BCAP29: variants seen among roughly 807,000 people sequenced by gnomAD.
BCAP29 encodes the protein B-cell receptor-associated protein 29.
BCAP29 carries 34 observed loss-of-function variants against 31.8 expected under a neutral mutation model. That is an observed-to-expected ratio of 1.07 (90% confidence interval 0.81 to 1.42). BCAP29 has a LOEUF of 1.42. BCAP29 is among the 40% of genes most tolerant of loss of function. BCAP29 has a pLI of 0.00. For missense variants in BCAP29, 314 were observed against 269.2 expected (o/e 1.17, Z -1.16); for synonymous variants, 104 against 91.3 (o/e 1.14, Z -0.79).
rs547738420 is a variant in BCAP29, at chr7:107,618,899, G to A, written c.*536G>A. 1.0e-5 allele frequency: 2 copies of A among 197,590 alleles called. No individual in the cohort carries two copies. The highest frequency in any genetic ancestry group is 4.6e-5 in the African/African-American group (2 of 43,422). The allele number at this position is 197,590 out of a possible 1,614,324, so 12.2% of individuals were successfully genotyped here. On this transcript the variant is annotated 3_prime_UTR_variant, in exon 8 of 8. Coordinates refer to ENST00000005259, the MANE Select transcript of BCAP29 (RefSeq NM_018844.4). ...AATGACCTTAGTTTTTTTTAAGCCT[G>A]ATGATACTATGGTTTACTCTAATAA... is the stretch of plus-strand genomic sequence containing the variant.
chr7:107,597,051 A>G (rs564424098), intron 5 of BCAP29, among the ~76,000 whole-genome samples: 4 of 152,298 alleles, frequency 2.6e-5, no homozygotes, highest in African/African-American at 9.6e-5. Flanking sequence ...CAGTGGGGAG[A>G]AAGTCTTTGA....
At chr7:107,581,618 G>A (rs901335744) in intron 2 of BCAP29, among the ~76,000 whole-genome samples, 1 of 152,110 alleles carries the variant, frequency 6.6e-6, no homozygotes, top group Non-Finnish European at 1.5e-5. Flanking sequence ...CAAGATATTT[G>A]TTCATACTCC....
chr7:107,594,463 C>CAGGCAGA (rs71134270), intron 4 of BCAP29, among the ~76,000 whole-genome samples: 1 of 151,530 alleles, frequency 6.6e-6, no homozygotes, highest in African/African-American at 2.4e-5. Flanking sequence ...ACGGAGATTA[C>CAGGCAGA]AGTCACTGTA....
At chr7:107,616,337 G>C (rs1373392074) in intron 7 of BCAP29, 5 of 152,374 alleles carry the variant, frequency 3.3e-5, no homozygotes, top group African/African-American at 1.2e-4. Context: ...CCAAGAAGTG[G>C]TGGTGGCTTT....
At chr7:107,611,129 G>A (rs1029137155) in intron 6 of BCAP29, among the ~76,000 whole-genome samples, 3 of 152,060 alleles carry the variant, frequency 2.0e-5, no homozygotes, top group Non-Finnish European at 2.9e-5. Context: ...ATTAGTGCAC[G>A]AATCCCATTA....
rs372930356 is a variant in BCAP29 at position 107,584,176 on chromosome 7, A to G, written c.193+194A>G. ...TCTGTATGTTCAAGCTTAAGTTTCAACAGGGCACAATGATTCTTAACCCCT... is the reference window on the plus strand; with the variant it reads ...TCTGTATGTTCAAGCTTAAGTTTCAGCAGGGCACAATGATTCTTAACCCCT... On this transcript the variant is annotated intron_variant, in intron 3 of 7. Transcript: ENST00000005259. 3.6e-4 allele frequency among the ~76,000 whole-genome samples: 55 copies of G among 152,322 alleles called. 1 individual carries two copies. The highest frequency in any genetic ancestry group is 1.2e-3 in the African/African-American group (51 of 41,580).
chr7:107,596,782 TAAATTAGTCTTGCCCTTTTAAA>T (rs1410760834), intron 5 of BCAP29, among the ~76,000 whole-genome samples: 1 of 152,242 alleles, frequency 6.6e-6, no homozygotes, highest in Non-Finnish European at 1.5e-5. Context: ...TTAATACACT[TAAATTAGTCTTGCCCTTTTAAA>T]AAAAGCACCT....
At chr7:107,611,181 G>A (rs918617333) in intron 6 of BCAP29, among the ~76,000 whole-genome samples, 5 of 152,218 alleles carry the variant, frequency 3.3e-5, no homozygotes, top group East Asian at 1.9e-4. Flanking sequence ...CCCCAGCCAC[G>A]CCTCCCAATA....
In BCAP29 at chr7:107,580,745, GTTTTTCCAT is replaced by G. The variant is rs762560570; in HGVS notation, c.-14-11_-14-3del. The G allele has an allele frequency of 5.2e-6, 8 of 1,550,076 alleles. No individual in the cohort carries two copies. Among genetic ancestry groups the G allele is most frequent in the Non-Finnish European group, 3.5e-6 (4 of 1,136,930 alleles). On this transcript the variant is annotated splice_polypyrimidine_tract_variant and splice_region_variant and intron_variant, in intron 1 of 7. Coordinates refer to ENST00000005259, the MANE Select transcript of BCAP29 (RefSeq NM_018844.4). Reference sequence around the variant, plus strand: ...TGAAAGGAAGCAAGAGAAAATAAGTGTTTTTCCATTTAGGTGTGAAGAAAAAAATGACAC... The same window carrying G: ...TGAAAGGAAGCAAGAGAAAATAAGTGTTAGGTGTGAAGAAAAAAATGACAC...
At chr7:107,601,115 G>T (rs1219983680) in intron 6 of BCAP29, among the ~76,000 whole-genome samples, 1 of 152,006 alleles carries the variant, frequency 6.6e-6, no homozygotes, top group Non-Finnish European at 1.5e-5. Flanking sequence ...TTTTGCTAGT[G>T]TTTTTTTCTT....
chr7:107,616,299 T>C (rs1366559593), intron 7 of BCAP29: 1 of 152,484 alleles, frequency 6.6e-6, no homozygotes, highest in African/African-American at 2.4e-5. Context: ...CCTTCGCACC[T>C]GGGCTCCATA....
chr7:107,595,191 G>C (rs1239268126), intron 4 of BCAP29, among the ~76,000 whole-genome samples: 1 of 152,108 alleles, frequency 6.6e-6, no homozygotes, highest in African/African-American at 2.4e-5. Flanking sequence ...CCACAAAGTA[G>C]GTAGGTCTTC....
intron 6 of BCAP29, among the ~76,000 whole-genome samples, chr7:107,605,374 A>C (rs988863778): frequency 1.8e-4 from 27 of 152,204 alleles, no homozygotes; most frequent in African/African-American, 6.0e-4. Context: ...CCAGATGGTA[A>C]ACCAAACATA....
intron 6 of BCAP29, among the ~76,000 whole-genome samples, chr7:107,601,172 G>C (rs759661596): frequency 2.3e-4 from 35 of 152,256 alleles, no homozygotes; most frequent in South Asian, 1.5e-3. Flanking sequence ...GCACAGAAAA[G>C]TAGATAACCC....
chr7:107,597,313 C>T (rs1810034091), intron 5 of BCAP29, among the ~76,000 whole-genome samples: 1 of 152,048 alleles, frequency 6.6e-6, no homozygotes, highest in African/African-American at 2.4e-5. Context: ...TGGCCTCAAG[C>T]AGTCTTCCCA....
In BCAP29 at chr7:107,616,079, ACTCTGTATCTCT is replaced by A; in HGVS notation, c.691-2248_691-2237del. On this transcript the variant is annotated intron_variant, in intron 7 of 7. Transcript: ENST00000005259. ...TCCATTCTCCTCTCACCACTGCTTT[ACTCTGTATCTCT>A]GGGAGGCCCGTTTCCAAGGCTCCCT... is the stretch of plus-strand genomic sequence containing the variant. Among the ~76,000 whole-genome samples, 4 of 151,964 alleles carry A rather than the reference ACTCTGTATCTCT, an allele frequency of 2.6e-5. 1 individual carries two copies. In the Middle Eastern group the frequency reaches 0.014, roughly 517 times the overall value.
intron 3 of BCAP29, among the ~76,000 whole-genome samples, chr7:107,585,915 C>G (rs1196694077): frequency 6.6e-6 from 1 of 151,902 alleles, no homozygotes; most frequent in Non-Finnish European, 1.5e-5. Flanking sequence ...TGTTTGCACC[C>G]GAGAGGCAGA....
intron 3 of BCAP29, among the ~76,000 whole-genome samples, chr7:107,585,151 C>A (rs1299748838): frequency 1.3e-5 from 2 of 152,124 alleles, no homozygotes; most frequent in East Asian, 3.8e-4. Context: ...CCTCAGAATT[C>A]CCTCAGAGTT....
At chr7:107,591,098 A>G (rs890704233) in intron 3 of BCAP29, among the ~76,000 whole-genome samples, 1 of 152,024 alleles carries the variant, frequency 6.6e-6, no homozygotes, top group Non-Finnish European at 1.5e-5. Flanking sequence ...ACAGAAAACT[A>G]CAAAAACATT....
Sources: gnomAD v4.1 joint callset for allele counts (sites outside exome capture counted in the v4.1 genomes callset) on GRCh38, gnomAD v4.1.1 for gene constraint, MANE v1.5 for transcripts, NCBI Gene and HGNC (gene_info 2026-07-23, HGNC 2026-07-21) for gene names.